LCOR: variants seen among roughly 807,000 people sequenced by gnomAD.
LCOR encodes ligand-dependent corepressor.
Under a neutral mutation model 64.4 loss-of-function variants are expected in LCOR, and 14 were observed. The observed-to-expected ratio is 0.22, with a 90% CI of 0.14 to 0.34. The LOEUF (loss-of-function observed/expected upper bound fraction) is 0.34. Among genes scored for constraint, LCOR ranks in the 10% least tolerant of loss-of-function variants. The pLI is 1.00. For synonymous variants in LCOR, 643 were observed against 642.5 expected, an observed-to-expected ratio of 1.00 and a Z score of -0.01; for missense variants, 1,686 against 1,765.3, an observed-to-expected ratio of 0.96 and a Z score of 0.80.
chr10:96,885,882 CT>C (rs1846334891), intron 2 of LCOR, among the ~76,000 whole-genome samples: 1 of 151,934 alleles, frequency 6.6e-6, no homozygotes, highest in African/African-American at 2.4e-5. Context: ...ATATGTTTCC[CT>C]TAATGATTTT....
At chr10:96,886,192 A>G (rs1288956856) in intron 2 of LCOR, among the ~76,000 whole-genome samples, 1 of 152,254 alleles carries the variant, frequency 6.6e-6, no homozygotes, top group East Asian at 1.9e-4. Context: ...ACTTTGTCAT[A>G]CATCATTCTA....
At chr10:96,895,774 G>A (rs570182854) in intron 2 of LCOR, among the ~76,000 whole-genome samples, 32 of 152,274 alleles carry the variant, frequency 2.1e-4, no homozygotes, top group African/African-American at 7.2e-4. Context: ...GTCTCCATAT[G>A]GCTTGTTCCC....
rs199812997 is a variant in LCOR at position 96,984,729 on chromosome 10, G to A, written c.4269G>A (p.Lys1423=). 2.5e-6 allele frequency: 4 copies of A among 1,613,860 alleles called. No individual in the cohort carries two copies. In the Admixed American group the frequency reaches 5.0e-5, roughly 20 times the overall value. ...KGPTVKASKE[K]HADGATKTPA... Reference sequence around the variant, plus strand: ...CTACGGTGAAAGCCAGCAAAGAAAAGCATGCTGATGGAGCCACCAAAACCC... The same window carrying A: ...CTACGGTGAAAGCCAGCAAAGAAAAACATGCTGATGGAGCCACCAAAACCC... The change falls in exon 8 of 8, where the codon AAG becomes AAA. Residue 1423 remains lysine (K), a synonymous_variant. Coordinates refer to ENST00000421806, the MANE Select transcript of LCOR (RefSeq NM_001346516.2).
chr10:96,869,859 G>A (rs763193987), intron 2 of LCOR, among the ~76,000 whole-genome samples: 5 of 152,204 alleles, frequency 3.3e-5, no homozygotes, highest in Non-Finnish European at 7.4e-5. Context: ...ACAGGCATAA[G>A]CCACTGTGCC....
chr10:96,837,673 G>C (rs1845470705), intron 2 of LCOR, among the ~76,000 whole-genome samples: 1 of 152,172 alleles, frequency 6.6e-6, no homozygotes, highest in African/African-American at 2.4e-5. Flanking sequence ...ACCTATTTTT[G>C]GAATACCTTT....
chr10:96,984,798 C>A lies in LCOR; in HGVS notation c.4338C>A (p.Pro1446=), dbSNP rs1848132240. Residue 1446 remains proline (P), a synonymous_variant, in exon 8 of 8, where the codon CCC becomes CCA. Coordinates refer to ENST00000421806, the MANE Select transcript of LCOR (RefSeq NM_001346516.2). ...CTGCAAGGGACAGAAGCAGCCAACC[C>A]CCCAAAAAGACGTCTTTGAAAGAGA... ...RPAARDRSSQ[P]PKKTSLKENK... is the part of the protein sequence containing the mutation. The A allele has an allele frequency of 1.2e-6, 2 of 1,614,072 alleles. No individual in the cohort carries two copies. The highest frequency in any genetic ancestry group is 1.1e-5 in the South Asian group (1 of 91,082).
chr10:96,898,792 C>A (rs1846585291), intron 2 of LCOR, among the ~76,000 whole-genome samples: 1 of 152,080 alleles, frequency 6.6e-6, no homozygotes, highest in South Asian at 2.1e-4. Context: ...TTGTTATGGG[C>A]ATGAAGCACC....
chr10:96,853,581 G>C (rs1417096541), intron 2 of LCOR, among the ~76,000 whole-genome samples: 1 of 152,114 alleles, frequency 6.6e-6, no homozygotes, highest in East Asian at 1.9e-4. Flanking sequence ...AGGCAGCTCT[G>C]CTGATTTTGG....
rs1233305619 is a variant in LCOR at position 96,992,240 on chromosome 10, TATA to T, written c.*7110_*7112del. On this transcript the variant is annotated 3_prime_UTR_variant, in exon 8 of 8. Transcript: ENST00000421806. ...TAGTAACTGGTTTCAAATACATATA[TATA>T]ATATTTATACACACCACTGTGGAAT... 1.3e-5 allele frequency: 2 copies of T among 152,134 alleles called. No individual in the cohort carries two copies. Among genetic ancestry groups the T allele is most frequent in the Admixed American group, 6.5e-5 (1 of 15,290 alleles). The allele number at this position is 152,134 out of a possible 1,614,324, so 9.4% of individuals were successfully genotyped here.
At chr10:96,946,227 A>G (rs1427000853) in intron 5 of LCOR, among the ~76,000 whole-genome samples, 2 of 152,060 alleles carry the variant, frequency 1.3e-5, no homozygotes, top group Non-Finnish European at 1.5e-5. Context: ...GTATCCAGGG[A>G]TATGATGGAC....
intron 2 of LCOR, among the ~76,000 whole-genome samples, chr10:96,862,662 C>T (rs1191126623): frequency 6.6e-6 from 1 of 152,156 alleles, no homozygotes; most frequent in Non-Finnish European, 1.5e-5. Flanking sequence ...TTGCAAGTCT[C>T]AACCCTCTAA....
At chr10:96,933,757 A>G (rs918246879) in intron 4 of LCOR, among the ~76,000 whole-genome samples, 8 of 152,072 alleles carry the variant, frequency 5.3e-5, no homozygotes, top group Non-Finnish European at 8.8e-5. Flanking sequence ...TGACCTCGTG[A>G]TACACCCGCC....
At chr10:96,926,415 C>CACATATCTTTGTG (rs1390336439) in intron 4 of LCOR, among the ~76,000 whole-genome samples, 2 of 152,124 alleles carry the variant, frequency 1.3e-5, no homozygotes, top group African/African-American at 2.4e-5. Flanking sequence ...TGAAAATAAT[C>CACATATCTTTGTG]ACATATCTTT....
At chr10:96,896,828 T>A (rs1026315918) in intron 2 of LCOR, among the ~76,000 whole-genome samples, 10 of 152,058 alleles carry the variant, frequency 6.6e-5, no homozygotes, top group African/African-American at 2.4e-4. Flanking sequence ...TAGGTCTAGG[T>A]TGGGGCTAAC....
intron 2 of LCOR, among the ~76,000 whole-genome samples, chr10:96,844,733 T>G (rs1845598292): frequency 6.6e-6 from 1 of 152,336 alleles, no homozygotes; most frequent in Admixed American, 6.5e-5. Context: ...GAGCGTAGGC[T>G]TAGGAGAGGG....
chr10:96,951,212 G>T (rs1847672527), intron 6 of LCOR, among the ~76,000 whole-genome samples: 1 of 152,020 alleles, frequency 6.6e-6, no homozygotes, highest in Admixed American at 6.6e-5. Flanking sequence ...TCTTTTCCAG[G>T]TATTTCAACA....
chr10:96,958,506 A>T, intron 7 of LCOR: 1 of 808,690 alleles, frequency 1.2e-6, no homozygotes, highest in Non-Finnish European at 2.1e-6. Flanking sequence ...TTGTAGGCTG[A>T]GAGTTGTAAA....
chr10:96,958,845 A>G (rs185932798), intron 7 of LCOR: 2 of 152,358 alleles, frequency 1.3e-5, no homozygotes, highest in African/African-American at 2.4e-5. Context: ...TTTGTGAAGC[A>G]TGGTTGAAAT....
In LCOR at chr10:96,982,203, C is replaced by T. The variant is rs770319079; in HGVS notation, c.1743C>T (p.Asp581=). The T allele has an allele frequency of 1.2e-5, 20 of 1,614,050 alleles. No individual in the cohort carries two copies. The highest frequency in any genetic ancestry group is 1.7e-5 in the Admixed American group (1 of 60,006). Residue 581 remains aspartate (D), a synonymous_variant, in exon 8 of 8, where the codon GAC becomes GAT. Transcript: ENST00000421806. ...CCTCTCACGAGGAAGGAGGTGGAGACGTTTCACCTCGAAAAGAACCTCAAG... is the reference window on the plus strand; with the variant it reads ...CCTCTCACGAGGAAGGAGGTGGAGATGTTTCACCTCGAAAAGAACCTCAAG... ...EITSHEEGGG[D]VSPRKEPQEP...
Sources: allele counts gnomAD v4.1 joint callset (sites outside exome capture counted in the v4.1 genomes callset), GRCh38; gene constraint gnomAD v4.1.1; transcripts MANE v1.5; gene names NCBI Gene and HGNC (gene_info 2026-07-23, HGNC 2026-07-21).